Variants in EDARADD observed in about 807,000 individuals in gnomAD.
EDARADD encodes the protein EDAR associated via death domain.
EDARADD carries 20 observed loss-of-function variants against 25.6 expected under a neutral mutation model. The ratio of observed to expected loss-of-function variants is 0.78; its 90% CI spans 0.55 to 1.14. EDARADD has a LOEUF of 1.14. Ranked by LOEUF, EDARADD falls within the 50% of genes most tolerant of loss-of-function variation. The probability of loss-of-function intolerance (pLI) is 0.00; values close to 1 mark genes in which losing one functional copy is unlikely to be tolerated. For synonymous variants in EDARADD, 86 were observed against 94.4 expected (o/e 0.91, Z 0.52); for missense variants, 225 against 270.1 (o/e 0.83, Z 1.17).
intron 5 of EDARADD, among the ~76,000 whole-genome samples, chr1:236,480,133 A>ATCTATCTATC (rs1028414707): frequency 1.1e-4 from 15 of 142,114 alleles, no homozygotes; most frequent in African/African-American, 4.0e-4. Flanking sequence ...ATATATATAT[A>ATCTATCTATC]TATCACATTT....
chr1:236,364,557 C>T (rs1424584436), intron 3 of EDARADD, among the ~76,000 whole-genome samples: 2 of 152,210 alleles, frequency 1.3e-5, no homozygotes, highest in South Asian at 2.1e-4. Context: ...TTATTCATAT[C>T]TTCTTTAATA....
chr1:236,429,219 A>AGGGAGAGAT, intron 4 of EDARADD, among the ~76,000 whole-genome samples: 1 of 122,144 alleles, frequency 8.2e-6, no homozygotes, highest in African/African-American at 3.1e-5. Context: ...AGAGGGAGAG[A>AGGGAGAGAT]TTTTTTTTTT....
rs375022607 is a variant in EDARADD at position 236,361,549 on chromosome 1, C to G, written c.-6+10710C>G. Among the ~76,000 whole-genome samples the G allele has an allele frequency of 2.0e-5, 3 of 151,214 alleles. No individual in the cohort carries two copies. In the South Asian group the frequency reaches 6.3e-4, roughly 32 times the overall value. ...TTTGCCATGTTGGCCAGGCTGGTCT[C>G]GAACTCCTGACCTTCAGTGATCTGC... On this transcript the variant is annotated intron_variant, in intron 3 of 7. Transcript: ENST00000439430.
At chr1:236,360,041 G>A (rs532672453) in intron 3 of EDARADD, among the ~76,000 whole-genome samples, 3 of 152,292 alleles carry the variant, frequency 2.0e-5, no homozygotes, top group Admixed American at 1.3e-4. Context: ...GGGGCCAGGT[G>A]TGGTGGCTCA....
In EDARADD at chr1:236,431,647, C is replaced by T. The variant is rs1417702501; in HGVS notation, c.219+4197C>T. 4.0e-5 allele frequency among the ~76,000 whole-genome samples: 2 copies of T among 49,692 alleles called. 1 individual carries two copies. The highest frequency in any genetic ancestry group is 7.6e-5 in the African/African-American group (2 of 26,234). The allele number at this position is 49,692 out of a possible 152,430, so 32.6% of individuals were successfully genotyped here. A position where few individuals can be genotyped will look rare whatever the true frequency, so the allele number is the denominator to read the frequency against. ...AGTTAAGACCCCAGGCAGGGCCGGG[C>T]GCGGTGGCTCACGCCTGTAATCCCA... is the stretch of plus-strand genomic sequence containing the variant. On this transcript the variant is annotated intron_variant, in intron 4 of 5. Coordinates refer to ENST00000334232, the MANE Select transcript of EDARADD (RefSeq NM_145861.4).
At chr1:236,464,265 T>TA (rs1553270180) in intron 4 of EDARADD, among the ~76,000 whole-genome samples, 1 of 150,986 alleles carries the variant, frequency 6.6e-6, no homozygotes, top group African/African-American at 2.4e-5. Context: ...TTTTTTTTTT[T>TA]TGGAGATGGA....
intron 1 of EDARADD, among the ~76,000 whole-genome samples, chr1:236,405,829 CCTT>C (rs1667712992): frequency 3.6e-5 from 1 of 27,740 alleles, no homozygotes; most frequent in African/African-American, 1.7e-4. Flanking sequence ...TCCTTTCCTT[CCTT>C]CCTTCCTTCC....
chr1:236,382,683 G>A (rs1667314835), intron 3 of EDARADD, among the ~76,000 whole-genome samples: 1 of 152,128 alleles, frequency 6.6e-6, no homozygotes, highest in East Asian at 1.9e-4. Flanking sequence ...ACTGGGGCAG[G>A]GTGTGCTCAG....
chr1:236,437,246 G>A (rs1428727027), intron 4 of EDARADD, among the ~76,000 whole-genome samples: 1 of 152,100 alleles, frequency 6.6e-6, no homozygotes, highest in African/African-American at 2.4e-5. Context: ...GTTGAACAGA[G>A]AAATACTTGT....
intron 4 of EDARADD, among the ~76,000 whole-genome samples, chr1:236,430,677 T>C (rs1025482184): frequency 9.2e-5 from 14 of 152,254 alleles, no homozygotes; most frequent in African/African-American, 3.1e-4. Context: ...TATTTCTTTG[T>C]ATAATCTATA....
At chr1:236,415,715 G>A (rs1657617633) in intron 3 of EDARADD, among the ~76,000 whole-genome samples, 1 of 152,216 alleles carries the variant, frequency 6.6e-6, no homozygotes, top group African/African-American at 2.4e-5. Flanking sequence ...AAAGAGCTGG[G>A]ATTACAGGCA....
At chr1:236,473,099 G>T (rs79979307) in intron 5 of EDARADD, among the ~76,000 whole-genome samples, 2 of 152,086 alleles carry the variant, frequency 1.3e-5, no homozygotes, top group Non-Finnish European at 2.9e-5. Context: ...CTGTGTGCCT[G>T]GTGTGCAGCA....
At chr1:236,417,954 C>CTTTT (rs1203533532) in intron 3 of EDARADD, among the ~76,000 whole-genome samples, 3 of 103,492 alleles carry the variant, frequency 2.9e-5, no homozygotes, top group African/African-American at 6.4e-5. Flanking sequence ...CTCTTCTTTT[C>CTTTT]TTTTTTTCTT....
chr1:236,355,977 A>G (rs1666971440), intron 3 of EDARADD, among the ~76,000 whole-genome samples: 1 of 152,182 alleles, frequency 6.6e-6, no homozygotes, highest in Non-Finnish European at 1.5e-5. Context: ...GGCAAAAAAT[A>G]TATATGTATA....
At chr1:236,419,779 T>C (rs1657734165) in intron 3 of EDARADD, among the ~76,000 whole-genome samples, 1 of 152,208 alleles carries the variant, frequency 6.6e-6, no homozygotes, top group South Asian at 2.1e-4. Context: ...CAGATAATAC[T>C]ATTATGAAAA....
At chr1:236,375,676 TAA>T (rs1326145985) in intron 3 of EDARADD, among the ~76,000 whole-genome samples, 1 of 114,048 alleles carries the variant, frequency 8.8e-6, no homozygotes. Context: ...AAAAAAAAGA[TAA>T]AAAAAAATAA....
chr1:236,392,640 G>A (rs1362049786), upstream of EDARADD, among the ~76,000 whole-genome samples: 4 of 150,820 alleles, frequency 2.7e-5, no homozygotes, highest in Non-Finnish European at 5.9e-5. Flanking sequence ...ACCACACCTG[G>A]CTAATTTTTG....
chr1:236,476,421 C>T (rs2103039357), intron 5 of EDARADD, among the ~76,000 whole-genome samples: 1 of 152,218 alleles, frequency 6.6e-6, no homozygotes, highest in East Asian at 1.9e-4. Flanking sequence ...GCACAGGGCT[C>T]ACACCTGTAA....
In EDARADD at chr1:236,483,526, C is replaced by T. The variant is rs1659742712; in HGVS notation, c.*877C>T. ...GGAGTGTCCCTCGCTGCCTGCAAAG[C>T]TAGTGCTGTTGAGAAGGGGGTTCCC... On this transcript the variant is annotated 3_prime_UTR_variant, in exon 6 of 6. Coordinates refer to ENST00000334232, the MANE Select transcript of EDARADD (RefSeq NM_145861.4). The T allele has an allele frequency of 9.4e-7, 1 of 1,066,864 alleles. No individual in the cohort carries two copies. Among genetic ancestry groups the T allele is most frequent in the Admixed American group, 1.7e-5 (1 of 58,770 alleles). The allele number at this position is 1,066,864 out of a possible 1,614,324, so 66.1% of individuals were successfully genotyped here.
Sources: gnomAD v4.1 joint callset for allele counts (sites outside exome capture counted in the v4.1 genomes callset) on GRCh38, gnomAD v4.1.1 for gene constraint, MANE v1.5 for transcripts, NCBI Gene and HGNC (gene_info 2026-07-23, HGNC 2026-07-21) for gene names.